Variants in INTU observed in about 807,000 individuals in gnomAD.
The protein encoded by INTU is inturned planar cell polarity protein, also known as protein inturned.
In INTU, 68 loss-of-function variants were observed where a neutral mutation model predicts 100.5. The ratio of observed to expected loss-of-function variants is 0.68; its 90% confidence interval spans 0.56 to 0.83. The LOEUF (loss-of-function observed/expected upper bound fraction) is 0.83, where lower values mean the gene tolerates loss of function less well. INTU is among the 40% of genes least tolerant of loss of function. The pLI is 0.00. For missense variants in INTU, 1,071 were observed against 1,114.7 expected (o/e 0.96, Z 0.56); for synonymous variants, 357 against 395.7 (o/e 0.90, Z 1.16).
chr4:127,709,488 T>G (rs1731012955), intron 13 of INTU, among the ~76,000 whole-genome samples: 1 of 152,136 alleles, frequency 6.6e-6, no homozygotes. Flanking sequence ...AATTCTGAGG[T>G]AAAAGAAACT....
In INTU at chr4:127,646,950, T is replaced by A. The variant is rs556458867; in HGVS notation, c.682+2894T>A. 7.2e-5 allele frequency among the ~76,000 whole-genome samples: 11 copies of A among 152,324 alleles called. No individual in the cohort carries two copies. The South Asian group carries it at 2.3e-3, about 32-fold the overall frequency. On this transcript the variant is annotated intron_variant, in intron 2 of 15. Coordinates refer to ENST00000335251, the MANE Select transcript of INTU (RefSeq NM_015693.4). ...CAGATTCCCTTTCCCTGAAGTCAAA[T>A]TTGGCTTAATTAAAAGGATCAATTT... is the stretch of plus-strand genomic sequence containing the variant.
chr4:127,726,353 C>T lies in INTU; in HGVS notation c.*9917C>T, dbSNP rs1365764899. 6.6e-6 allele frequency: 1 copy of T among 152,150 alleles called. No individual in the cohort carries two copies. Among genetic ancestry groups the T allele is most frequent in the Non-Finnish European group, 1.5e-5 (1 of 68,034 alleles). 9.4% of individuals were successfully genotyped at this position (152,150 alleles called of 1,614,324 possible). A position where few individuals can be genotyped will look rare whatever the true frequency, so the allele number is the denominator to read the frequency against. On this transcript the variant is annotated 3_prime_UTR_variant, in exon 16 of 16. Coordinates refer to ENST00000335251, the MANE Select transcript of INTU (RefSeq NM_015693.4). ...ATTTACTAGGTTTTTCTGCTTTGGACATAATTGTATGTGTTAATTCTCTCT... is the reference window on the plus strand; with the variant it reads ...ATTTACTAGGTTTTTCTGCTTTGGATATAATTGTATGTGTTAATTCTCTCT...
chr4:127,705,619 A>G lies in INTU; in HGVS notation c.1595A>G (p.Lys532Arg). 1 of 1,613,932 alleles carries G rather than the reference A, an allele frequency of 6.2e-7. No individual in the cohort carries two copies. Among genetic ancestry groups the G allele is most frequent in the Middle Eastern group, 1.7e-4 (1 of 6,058 alleles). ...KGYLICSHLP[K>R]DDLIDIAVYC... ...TATTTGATATGCAGTCATTTGCCCA[A>G]GGATGATCTTATTGATATTGCCGTA... Residue 532 changes from lysine (K) to arginine (R), a missense_variant, in exon 11 of 16, where the codon AAG becomes AGG. By Grantham distance (26) the Lys-to-Arg change is conservative. Transcript: ENST00000335251.
chr4:127,703,696 G>A (rs1730750441), intron 9 of INTU, among the ~76,000 whole-genome samples: 1 of 151,864 alleles, frequency 6.6e-6, no homozygotes, highest in Non-Finnish European at 1.5e-5. Flanking sequence ...TGAATTTCAT[G>A]TTATCTCTAA....
Position 127,656,637 on chromosome 4 carries a change from T to A in INTU, c.684T>A (p.Gly228=), listed in dbSNP as rs1460869682. 1.2e-6 allele frequency: 2 copies of A among 1,605,532 alleles called. No homozygotes were observed. The highest frequency in any genetic ancestry group is 1.1e-5 in the South Asian group (1 of 90,550). ...SAMKSGQVLI[G]DVLVAVNDVD... is the part of the protein sequence containing the mutation. Reference sequence around the variant, plus strand: ...CTTTTATTGTTATTCTGGTTTCAGGTGATGTCCTTGTTGCTGTGAATGATG... The same window carrying A: ...CTTTTATTGTTATTCTGGTTTCAGGAGATGTCCTTGTTGCTGTGAATGATG... The change falls in exon 3 of 16, where the codon GGT becomes GGA. Residue 228 remains glycine (G), a splice_region_variant and synonymous_variant. Transcript: ENST00000335251.
intron 12 of INTU, 100 bp from the exon 13 acceptor site, chr4:127,708,471 G>C: frequency 4.7e-6 from 3 of 642,306 alleles, no homozygotes; most frequent in Non-Finnish European, 8.2e-6. Flanking sequence ...CATTGCAAAT[G>C]GTAAGTAGTT....
At chr4:127,637,146 A>T (rs562809206) in intron 1 of INTU, among the ~76,000 whole-genome samples, 1 of 152,244 alleles carries the variant, frequency 6.6e-6, no homozygotes, top group Admixed American at 6.5e-5. Context: ...GCACTGCCTT[A>T]CTTAAAAGGT....
intron 6 of INTU, among the ~76,000 whole-genome samples, chr4:127,678,072 A>G (rs956225932): frequency 2.6e-5 from 4 of 152,128 alleles, no homozygotes; most frequent in Non-Finnish European, 5.9e-5. Flanking sequence ...AAAGAAACAA[A>G]CAAAGCCTCC....
chr4:127,705,665 G>T lies in INTU; in HGVS notation c.1641G>T (p.Leu547=), dbSNP rs773744765. The T allele has an allele frequency of 1.2e-6, 2 of 1,613,840 alleles. No individual in the cohort carries two copies. Among genetic ancestry groups the T allele is most frequent in the African/African-American group, 1.3e-5 (1 of 74,882 alleles). The change falls in exon 11 of 16, where the codon CTG becomes CTT. Residue 547 remains leucine, a synonymous_variant. Coordinates refer to ENST00000335251, the MANE Select transcript of INTU (RefSeq NM_015693.4). ...DIAVYCRHYC[L]LPLAAKQRIG... is the part of the protein sequence containing the mutation. The stretch of plus-strand genomic sequence containing the variant: ...CCGTATACTGTCGCCACTATTGCCT[G>T]CTGCCTTTAGCAGCAAAACAAAGAA...
chr4:127,713,010 A>T (rs959502454), intron 14 of INTU, among the ~76,000 whole-genome samples: 1 of 152,188 alleles, frequency 6.6e-6, no homozygotes, highest in African/African-American at 2.4e-5. Flanking sequence ...GTGAGAAGAA[A>T]GTGGAAGAAG....
rs147142926 is a variant in INTU, at chr4:127,715,264, C to A, written c.2718-1061C>A. Among the ~76,000 whole-genome samples the A allele has an allele frequency of 2.6e-4, 40 of 152,142 alleles. No individual in the cohort carries two copies. The East Asian group carries it at 6.2e-3, about 24-fold the overall frequency. On this transcript the variant is annotated intron_variant, in intron 15 of 15. Coordinates refer to ENST00000335251, the MANE Select transcript of INTU (RefSeq NM_015693.4). Reference sequence around the variant, plus strand: ...TTGGGAACCTAAGTTAGGACCACTGCAGAAGGTTATTTGAGTTGGAGTAGA... The same window carrying A: ...TTGGGAACCTAAGTTAGGACCACTGAAGAAGGTTATTTGAGTTGGAGTAGA...
intron 13 of INTU, among the ~76,000 whole-genome samples, chr4:127,708,947 T>C (rs1730990323): frequency 1.3e-5 from 2 of 152,216 alleles, no homozygotes; most frequent in South Asian, 4.1e-4. Context: ...TTTAATATAA[T>C]TTTTAAATTA....
intron 2 of INTU, among the ~76,000 whole-genome samples, chr4:127,648,198 C>T (rs751554463): frequency 2.0e-5 from 3 of 152,218 alleles, no homozygotes; most frequent in Non-Finnish European, 2.9e-5. Context: ...TAATGACTCC[C>T]GTGTACTTAT....
In INTU at chr4:127,718,768, T is replaced by C. The variant is rs1284192867; in HGVS notation, c.*2332T>C. ...GCAATTGTGAGTAGGAGTTCATTCA[T>C]GATTTGGATCTCTGCTTGCCTGTTG... On this transcript the variant is annotated 3_prime_UTR_variant, in exon 16 of 16. Transcript: ENST00000335251. 6.6e-6 allele frequency: 1 copy of C among 152,204 alleles called. No individual in the cohort carries two copies. Among genetic ancestry groups the C allele is most frequent in the Non-Finnish European group, 1.5e-5 (1 of 68,040 alleles). The allele number at this position is 152,204 out of a possible 1,614,324, so 9.4% of individuals were successfully genotyped here.
At chr4:127,703,911 G>A (rs1380808363) in intron 9 of INTU, among the ~76,000 whole-genome samples, 1 of 152,088 alleles carries the variant, frequency 6.6e-6, no homozygotes, top group Admixed American at 6.6e-5. Flanking sequence ...ATTGGATACT[G>A]TAGATGATGT....
rs1731376572 is a variant in INTU, at chr4:127,723,504, CTG to C, written c.*7071_*7072del. On this transcript the variant is annotated 3_prime_UTR_variant, in exon 16 of 16. Transcript: ENST00000335251. ...TTTAACTATCCTAGTACATACCTCA[CTG>C]TGGGGAAAGGGGGAAAGATGAAAAT... 1 of 150,938 alleles carries C rather than the reference CTG, an allele frequency of 6.6e-6. No homozygotes were observed. Among genetic ancestry groups the C allele is most frequent in the African/African-American group, 2.4e-5 (1 of 40,956 alleles). 9.3% of individuals were successfully genotyped at this position (150,938 alleles called of 1,614,324 possible).
At chr4:127,646,511 T>C (rs1055350640) in intron 2 of INTU, among the ~76,000 whole-genome samples, 1 of 152,182 alleles carries the variant, frequency 6.6e-6, no homozygotes, top group African/African-American at 2.4e-5. Context: ...TTAACAGTTA[T>C]TGATGATCAT....
chr4:127,669,181 C>A, intron 5 of INTU, 27 bp downstream of exon 5: 1 of 1,107,492 alleles, frequency 9.0e-7, no homozygotes, highest in South Asian at 1.4e-5. Flanking sequence ...AGCTTTAATT[C>A]TGTTTTTTTC....
chr4:127,687,954 A>G (rs747453702), intron 8 of INTU, 87 bp downstream of exon 8: 10 of 936,964 alleles, frequency 1.1e-5, no homozygotes, highest in Non-Finnish European at 1.5e-5. Flanking sequence ...ACTTTTTGTT[A>G]TTTTTGGAAT....
Sources: gnomAD v4.1 joint callset for allele counts (sites outside exome capture counted in the v4.1 genomes callset) on GRCh38, gnomAD v4.1.1 for gene constraint, MANE v1.5 for transcripts, NCBI Gene and HGNC (gene_info 2026-07-23, HGNC 2026-07-21) for gene names.